The following DHX57 variants were observed in gnomAD, a reference collection of about 807,000 sequenced individuals.
DHX57 encodes putative ATP-dependent RNA helicase DHX57.
DHX57 carries 105 observed loss-of-function variants against 156.2 expected under a neutral mutation model. That is an observed-to-expected ratio of 0.67 (90% CI 0.57 to 0.79). DHX57 has a LOEUF of 0.79. Among genes scored for constraint, DHX57 ranks in the 30% least tolerant of loss-of-function variants. DHX57 has a pLI of 0.00. For synonymous variants in DHX57, 704 were observed against 595.6 expected, an observed-to-expected ratio of 1.18 and a Z score of -2.65; for missense variants, 1,847 against 1,661.9, an observed-to-expected ratio of 1.11 and a Z score of -1.94.
rs1558349870 is a variant in DHX57, at chr2:38,802,919, T to TAAC, written c.3817-7_3817-5dup. 64 of 1,613,524 alleles carry TAAC rather than the reference T, an allele frequency of 4.0e-5. No homozygotes were observed. Among genetic ancestry groups the TAAC allele is most frequent in the Non-Finnish European group, 5.2e-5 (61 of 1,179,864 alleles). On this transcript the variant is annotated splice_polypyrimidine_tract_variant and splice_region_variant and intron_variant, in intron 22 of 23. Transcript: ENST00000457308. ...AGGGGCTGTCAAAGTGTCTCACCTGTAACAAAAAACCTCAGATGATGACAG... is the reference window on the plus strand; with the variant it reads ...AGGGGCTGTCAAAGTGTCTCACCTGTAACAACAAAAAACCTCAGATGATGACAG...
At chr2:38,838,221 C>T (rs1294974143) in intron 12 of DHX57, among the ~76,000 whole-genome samples, 1 of 152,170 alleles carries the variant, frequency 6.6e-6, no homozygotes, top group African/African-American at 2.4e-5. Context: ...ATCTCAGCCT[C>T]CTGAGAGGCT....
At chr2:38,842,791 T>C (rs979111980) in intron 12 of DHX57, among the ~76,000 whole-genome samples, 19 of 152,296 alleles carry the variant, frequency 1.2e-4, no homozygotes, top group African/African-American at 4.3e-4. Flanking sequence ...CATATTTCTT[T>C]TATAATTAGA....
intron 17 of DHX57, among the ~76,000 whole-genome samples, 193 bp downstream of exon 17, chr2:38,822,795 GTTTGT>G (rs1337546119): frequency 2.0e-5 from 3 of 151,346 alleles, no homozygotes; most frequent in Admixed American, 6.6e-5. Context: ...AAATCCTTTT[GTTTGT>G]TTTATTTGTT....
At position 38,824,501 on chromosome 2, in the gene DHX57, C is replaced by G. The variant is rs1335367632; in HGVS notation, c.3015-1232G>C. Among the ~76,000 whole-genome samples the G allele has an allele frequency of 4.6e-5, 7 of 151,696 alleles. No individual in the cohort carries two copies. The South Asian group carries it at 1.0e-3, about 22-fold the overall frequency. ...AAACATTTGCTAAGAGGGTAGATCT[C>G]ATATTAAGTATTCTTACCATAATAA... On this transcript the variant is annotated intron_variant, in intron 16 of 23. Coordinates refer to ENST00000457308, the MANE Select transcript of DHX57 (RefSeq NM_198963.3).
chr2:38,870,914 C>CA (rs1373447734), intron 1 of DHX57, among the ~76,000 whole-genome samples: 1 of 150,640 alleles, frequency 6.6e-6, no homozygotes, highest in African/African-American at 2.4e-5. Flanking sequence ...AAAAAAACAA[C>CA]AAAAAATAGT....
At chr2:38,840,227 G>T (rs11675110) in intron 12 of DHX57, among the ~76,000 whole-genome samples, 84,149 of 152,008 alleles carry the variant, frequency 0.55, 25,017 homozygotes, top group East Asian at 0.81. Context: ...TTATAGGCAT[G>T]AGCCACTGTG....
intron 15 of DHX57, 104 bp from the exon 16 acceptor site, chr2:38,826,151 C>A: frequency 8.5e-7 from 1 of 1,180,714 alleles, no homozygotes. Context: ...TGTAGAGGGA[C>A]ACAGTGCCCT....
intron 1 of DHX57, 99 bp downstream of exon 1, chr2:38,875,688 A>T (rs1199387378): frequency 5.0e-6 from 1 of 201,934 alleles, no homozygotes; most frequent in Non-Finnish European, 9.9e-6. Context: ...GATCCCGACC[A>T]CTCCTGGAGC....
intron 15 of DHX57, 77 bp from the exon 16 acceptor site, chr2:38,826,124 A>T (rs951808720): frequency 1.4e-6 from 2 of 1,430,658 alleles, no homozygotes; most frequent in Non-Finnish European, 9.5e-7. Context: ...GACAGAATAG[A>T]TGAACCAGCT....
At position 38,866,219 on chromosome 2, in the gene DHX57, A is replaced by G. The variant is rs142707857; in HGVS notation, c.224+1963T>C. 4.2e-3 allele frequency among the ~76,000 whole-genome samples: 635 copies of G among 152,320 alleles called. 5 individuals carry two copies. Among genetic ancestry groups the G allele is most frequent in the African/African-American group, 0.015 (605 of 41,572 alleles). ...TTCTGTCTTACTTCATGTAAAAGCC[A>G]AAGTCCTAATAATGGCCCATGAAGT... On this transcript the variant is annotated intron_variant, in intron 2 of 23. Transcript: ENST00000457308.
At position 38,868,348 on chromosome 2, in the gene DHX57, A is replaced by T. The variant is rs780870342; in HGVS notation, c.58T>A (p.Ser20Thr). Residue 20 changes from serine (S) to threonine (T), a missense_variant, in exon 2 of 24, where the codon TCT becomes ACT. Transcript: ENST00000457308. The part of the protein sequence containing the change: ...KPGKGGGKGS[S>T]RGGRGGRSHA... ...CTCCTGCCTCCTCTTCCTCCTCTAG[A>T]AGACCCTTTTCCACCTCCTTTGCCT... 1 of 1,613,674 alleles carries T rather than the reference A, an allele frequency of 6.2e-7. No individual in the cohort carries two copies. The highest frequency in any genetic ancestry group is 8.5e-7 in the Non-Finnish European group (1 of 1,179,988).
intron 21 of DHX57, among the ~76,000 whole-genome samples, chr2:38,809,264 C>T (rs1162965673): frequency 2.6e-5 from 4 of 151,914 alleles, no homozygotes; most frequent in Non-Finnish European, 5.9e-5. Flanking sequence ...GGACTACAGG[C>T]ATGTACCACC....
rs1422622514 is a variant in DHX57, at chr2:38,819,091, T to C, written c.3345A>G (p.Ala1115=). ...EEANQKKLEF[A]FANSDYLALL... ...GGGCCAGATAATCACTGTTTGCGAATGCAAATTCCAGCTTTTTCTGGTTAG... is the reference window on the plus strand; with the variant it reads ...GGGCCAGATAATCACTGTTTGCGAACGCAAATTCCAGCTTTTTCTGGTTAG... Residue 1115 remains alanine, a synonymous_variant, in exon 18 of 24, where the codon GCA becomes GCG. Coordinates refer to ENST00000457308, the MANE Select transcript of DHX57 (RefSeq NM_198963.3). 11 of 1,614,098 alleles carry C rather than the reference T, an allele frequency of 6.8e-6. No individual in the cohort carries two copies. Among genetic ancestry groups the C allele is most frequent in the Admixed American group, 1.7e-5 (1 of 60,008 alleles).
chr2:38,846,628 A>AG (rs998783384), intron 11 of DHX57, among the ~76,000 whole-genome samples: 7 of 151,758 alleles, frequency 4.6e-5, no homozygotes, highest in Admixed American at 6.6e-5. Context: ...AAAAAAAAAA[A>AG]AAAGAAAGAA....
At chr2:38,854,910 A>T in intron 8 of DHX57, 147 bp downstream of exon 8, 1 of 774,952 alleles carries the variant, frequency 1.3e-6, no homozygotes, top group Non-Finnish European at 2.1e-6. Context: ...AAATATTTAA[A>T]TAAATGATTA....
intron 19 of DHX57, chr2:38,816,212 T>C (rs1670538972): frequency 2.1e-6 from 1 of 470,672 alleles, no homozygotes; most frequent in Non-Finnish European, 4.4e-6. Flanking sequence ...CATTAAGTGA[T>C]TCAATATTTT....
chr2:38,841,368 GT>G (rs1268157528), intron 12 of DHX57, among the ~76,000 whole-genome samples: 1 of 152,170 alleles, frequency 6.6e-6, no homozygotes, highest in Non-Finnish European at 1.5e-5. Flanking sequence ...TCATTAGCTG[GT>G]TTTATGAGAG....
At chr2:38,827,988 C>A (rs1671189642) in intron 14 of DHX57, among the ~76,000 whole-genome samples, 1 of 152,062 alleles carries the variant, frequency 6.6e-6, no homozygotes, top group African/African-American at 2.4e-5. Context: ...TCTTGAGTAG[C>A]TGGGTTTATA....
intron 16 of DHX57, among the ~76,000 whole-genome samples, chr2:38,824,532 G>T (rs1329714986): frequency 6.6e-6 from 1 of 152,090 alleles, no homozygotes; most frequent in East Asian, 1.9e-4. Context: ...AATAAAAACT[G>T]GACATGATTA....
Sources: allele counts gnomAD v4.1 joint callset (sites outside exome capture counted in the v4.1 genomes callset), GRCh38; gene constraint gnomAD v4.1.1; transcripts MANE v1.5; gene names NCBI Gene and HGNC (gene_info 2026-07-23, HGNC 2026-07-21).